SYNPR: variants seen among roughly 807,000 people sequenced by gnomAD.
SYNPR encodes synaptoporin.
Under a neutral mutation model 32.9 loss-of-function variants are expected in SYNPR, and 23 were observed. That is an observed-to-expected ratio of 0.70 (90% confidence interval 0.50 to 0.99). The LOEUF is 0.99. Ranked by LOEUF, SYNPR falls within the 50% of genes least tolerant of loss-of-function variation. SYNPR has a pLI of 0.00. For synonymous variants in SYNPR, 146 were observed against 135.9 expected (o/e 1.07, Z -0.52); for missense variants, 318 against 349.3 (o/e 0.91, Z 0.71).
chr3:63,347,815 A>G (rs1478172181), intron 2 of SYNPR, among the ~76,000 whole-genome samples: 1 of 151,194 alleles, frequency 6.6e-6, no homozygotes, highest in Non-Finnish European at 1.5e-5. Flanking sequence ...TATTCTTTTT[A>G]TGGCTGAATA....
chr3:63,399,141 A>C (rs2088256811), intron 2 of SYNPR, among the ~76,000 whole-genome samples: 2 of 152,204 alleles, frequency 1.3e-5, no homozygotes, highest in African/African-American at 4.8e-5. Context: ...AAGGAGATGC[A>C]AAATGTTGGA....
At chr3:63,431,303 AG>A (rs1331716898) in intron 2 of SYNPR, among the ~76,000 whole-genome samples, 1 of 152,188 alleles carries the variant, frequency 6.6e-6, no homozygotes, top group Non-Finnish European at 1.5e-5. Flanking sequence ...AACATGTACA[AG>A]GGGGAGTGGA....
intron 3 of SYNPR, among the ~76,000 whole-genome samples, chr3:63,544,512 A>G (rs1405917842): frequency 6.6e-6 from 1 of 152,062 alleles, no homozygotes; most frequent in Non-Finnish European, 1.5e-5. Flanking sequence ...TCTGGCATAT[A>G]TATTGAATTT....
At position 63,280,559 on chromosome 3, in the gene SYNPR, C is replaced by T. The variant is rs562589339; in HGVS notation, c.84+1817C>T. On this transcript the variant is annotated intron_variant, in intron 2 of 5. Coordinates refer to ENST00000478300, the MANE Select transcript of SYNPR (RefSeq NM_001130003.2). ...TGTTTTTTACCTCAACTAAATGTTA[C>T]CTCCTCAATGAAGACTTTTCTCGTA... Among the ~76,000 whole-genome samples, 870 of 152,184 alleles carry T rather than the reference C, an allele frequency of 5.7e-3. 11 individuals are homozygous for T. The highest frequency in any genetic ancestry group is 0.02 in the African/African-American group (836 of 41,522).
At chr3:63,427,958 A>T (rs1225607417) in intron 2 of SYNPR, among the ~76,000 whole-genome samples, 2 of 152,230 alleles carry the variant, frequency 1.3e-5, no homozygotes, top group African/African-American at 4.8e-5. Context: ...CAGAAATGGA[A>T]ACTGAATAAG....
rs905813682 is a variant in SYNPR at position 63,616,651 on chromosome 3, G to A, written c.*1170G>A. ...GTTCTCATGAAATATTCTCCAGAAT[G>A]TATTCATTATCAAGAAAATGTCAAT... On this transcript the variant is annotated 3_prime_UTR_variant, in exon 6 of 6. Transcript: ENST00000478300. 1.3e-5 allele frequency: 2 copies of A among 152,594 alleles called. No individual in the cohort carries two copies. Among genetic ancestry groups the A allele is most frequent in the Non-Finnish European group, 2.9e-5 (2 of 68,032 alleles). 9.5% of individuals were successfully genotyped at this position (152,594 alleles called of 1,614,324 possible).
At chr3:63,498,948 TAA>T (rs11328669) in intron 3 of SYNPR, among the ~76,000 whole-genome samples, 64 of 109,616 alleles carry the variant, frequency 5.8e-4, no homozygotes, top group African/African-American at 5.7e-4. Flanking sequence ...ACCTCACCTC[TAA>T]AAAAAAAAAA....
At chr3:63,587,084 A>G (rs1422669071) in intron 4 of SYNPR, among the ~76,000 whole-genome samples, 1 of 151,986 alleles carries the variant, frequency 6.6e-6, no homozygotes, top group Non-Finnish European at 1.5e-5. Flanking sequence ...TTTAACCTCA[A>G]CAGAGTGATC....
chr3:63,497,044 G>T (rs1230797911), intron 3 of SYNPR, among the ~76,000 whole-genome samples: 1 of 152,102 alleles, frequency 6.6e-6, no homozygotes, highest in African/African-American at 2.4e-5. Flanking sequence ...CAAGTCCTCG[G>T]TTGTACAGGA....
intron 2 of SYNPR, among the ~76,000 whole-genome samples, chr3:63,309,041 TTATTC>T (rs1228925596): frequency 1.3e-4 from 20 of 152,124 alleles, no homozygotes; most frequent in African/African-American, 4.3e-4. Flanking sequence ...TTTAAATTCT[TTATTC>T]TATCTGTGTT....
chr3:63,522,480 C>T (rs1042923844), intron 3 of SYNPR, among the ~76,000 whole-genome samples: 7 of 152,236 alleles, frequency 4.6e-5, no homozygotes, highest in Admixed American at 1.3e-4. Context: ...GCCAATGAAA[C>T]TACATCATAT....
At chr3:63,369,208 G>T (rs1249929355) in intron 2 of SYNPR, among the ~76,000 whole-genome samples, 4 of 152,170 alleles carry the variant, frequency 2.6e-5, no homozygotes, top group African/African-American at 9.7e-5. Context: ...GGCAACAAGA[G>T]GGTGGCTGTC....
chr3:63,589,756 C>T (rs1270886140), intron 4 of SYNPR, among the ~76,000 whole-genome samples: 14 of 128,462 alleles, frequency 1.1e-4, no homozygotes, highest in Middle Eastern at 3.8e-3. Context: ...ATTCAACAAC[C>T]CTTCATGCTA....
chr3:63,273,068 G>A (rs182774697), intron 3 of SYNPR, among the ~76,000 whole-genome samples: 219 of 152,232 alleles, frequency 1.4e-3, no homozygotes, highest in African/African-American at 4.8e-3. Flanking sequence ...TGAGAAGGGG[G>A]AAGAGATTTT....
At chr3:63,210,800 CCTTCCTT>C in the SYNPR span, among the ~76,000 whole-genome samples, 1 of 28,916 alleles carries the variant, frequency 3.5e-5, no homozygotes, top group South Asian at 7.9e-4. Flanking sequence ...TTCCTCCCTT[CCTTCCTT>C]CCTTCCTTCC....
intron 4 of SYNPR, among the ~76,000 whole-genome samples, chr3:63,582,836 A>G (rs1182919620): frequency 1.3e-5 from 2 of 151,920 alleles, no homozygotes; most frequent in African/African-American, 4.8e-5. Context: ...GTGCCTCTGT[A>G]TTTTCACCTG....
intron 2 of SYNPR, among the ~76,000 whole-genome samples, chr3:63,460,462 T>C (rs1378761525): frequency 6.6e-6 from 1 of 151,416 alleles, no homozygotes; most frequent in Admixed American, 6.6e-5. Flanking sequence ...TATAACCTCC[T>C]TGAAGCCAGA....
At chr3:63,533,887 C>A (rs1702154848) in intron 3 of SYNPR, among the ~76,000 whole-genome samples, 1 of 152,020 alleles carries the variant, frequency 6.6e-6, no homozygotes, top group African/African-American at 2.4e-5. Context: ...AATCAAGGTG[C>A]CATTAACAAA....
intron 3 of SYNPR, among the ~76,000 whole-genome samples, chr3:63,528,856 A>C (rs1006829929): frequency 2.6e-5 from 4 of 152,156 alleles, no homozygotes; most frequent in Non-Finnish European, 5.9e-5. Context: ...GAAATATATG[A>C]TGTCTTCATC....
Sources: gnomAD v4.1 joint callset for allele counts (sites outside exome capture counted in the v4.1 genomes callset) on GRCh38, gnomAD v4.1.1 for gene constraint, MANE v1.5 for transcripts, NCBI Gene and HGNC (gene_info 2026-07-23, HGNC 2026-07-21) for gene names.